The following KDM4C variants were observed in gnomAD, a reference collection of about 807,000 sequenced individuals.
KDM4C encodes the protein lysine-specific demethylase 4C.
A neutral mutation model predicts 129.3 loss-of-function variants in KDM4C; 81 were observed. The observed-to-expected ratio is 0.63, with a 90% CI of 0.52 to 0.75. The LOEUF (loss-of-function observed/expected upper bound fraction) is 0.75. Ranked by LOEUF, KDM4C falls within the 30% of genes least tolerant of loss-of-function variation. KDM4C has a pLI of 0.00. For synonymous variants in KDM4C, 573 were observed against 456.1 expected (o/e 1.26, Z -3.26); for missense variants, 1,457 against 1,304.0 (o/e 1.12, Z -1.81).
At chr9:7,152,256 T>C (rs1842794031) in intron 19 of KDM4C, among the ~76,000 whole-genome samples, 7 of 152,226 alleles carry the variant, frequency 4.6e-5, no homozygotes, top group Admixed American at 4.6e-4. Flanking sequence ...AATAGCATTA[T>C]GTATGATAGG....
chr9:6,957,326 C>G (rs769859001), intron 8 of KDM4C, among the ~76,000 whole-genome samples: 18 of 152,120 alleles, frequency 1.2e-4, no homozygotes, highest in Non-Finnish European at 2.6e-4. Flanking sequence ...ACCCTACCAT[C>G]TATTTTCTTT....
chr9:6,886,781 C>T (rs767622813), intron 6 of KDM4C, among the ~76,000 whole-genome samples: 36 of 152,112 alleles, frequency 2.4e-4, no homozygotes, highest in African/African-American at 7.0e-4. Flanking sequence ...CGTGAACCAC[C>T]GCACTTGGCC....
chr9:6,992,556 AG>A (rs1247532695), intron 12 of KDM4C, among the ~76,000 whole-genome samples: 3 of 152,336 alleles, frequency 2.0e-5, no homozygotes, highest in Non-Finnish European at 2.9e-5. Context: ...CTGGCAACAG[AG>A]AATATTCTGT....
intron 12 of KDM4C, among the ~76,000 whole-genome samples, chr9:6,998,206 G>C (rs572340850): frequency 2.3e-4 from 35 of 152,304 alleles, no homozygotes; most frequent in African/African-American, 6.0e-4. Flanking sequence ...TAGATTAAGA[G>C]TGTATTTCAG....
intron 12 of KDM4C, among the ~76,000 whole-genome samples, chr9:6,995,173 G>A (rs375455119): frequency 1.2e-4 from 18 of 151,212 alleles, no homozygotes; most frequent in African/African-American, 3.9e-4. Flanking sequence ...TGAGAAAGGA[G>A]TGTTGTGTGA....
chr9:7,105,283 G>C (rs1837549912), intron 18 of KDM4C: 1 of 344,666 alleles, frequency 2.9e-6, no homozygotes, highest in South Asian at 2.3e-5. Context: ...AGAGTAGTTG[G>C]TGTTCACACT....
chr9:6,854,101 G>A (rs1484817560), intron 5 of KDM4C, among the ~76,000 whole-genome samples: 1 of 151,946 alleles, frequency 6.6e-6, no homozygotes, highest in Non-Finnish European at 1.5e-5. Flanking sequence ...TAATAGAATA[G>A]GAGTTTCAGT....
intron 15 of KDM4C, among the ~76,000 whole-genome samples, chr9:7,024,426 G>A (rs1332403518): frequency 2.7e-5 from 4 of 150,866 alleles, no homozygotes; most frequent in Admixed American, 2.7e-4. Context: ...TTGGTGTGCT[G>A]CACCCATTAA....
chr9:6,844,553 T>C (rs1837518713), intron 4 of KDM4C, among the ~76,000 whole-genome samples: 1 of 152,258 alleles, frequency 6.6e-6, no homozygotes, highest in Non-Finnish European at 1.5e-5. Context: ...AAATGATTTT[T>C]GGGAAATGCA....
At chr9:7,167,445 G>T (rs1384770155) in intron 20 of KDM4C, among the ~76,000 whole-genome samples, 6 of 152,178 alleles carry the variant, frequency 3.9e-5, no homozygotes, top group Non-Finnish European at 7.4e-5. Context: ...ATGAAAGTAG[G>T]CACAGGTGGT....
At chr9:7,100,686 G>C (rs191098664) in intron 17 of KDM4C, among the ~76,000 whole-genome samples, 1 of 152,240 alleles carries the variant, frequency 6.6e-6, no homozygotes, top group Admixed American at 6.5e-5. Context: ...GAGTGGCACT[G>C]TTTTTAAAAT....
At chr9:7,143,174 C>T (rs980876412) in intron 19 of KDM4C, among the ~76,000 whole-genome samples, 23 of 152,194 alleles carry the variant, frequency 1.5e-4, no homozygotes, top group Admixed American at 8.5e-4. Flanking sequence ...CCTGGGAGCC[C>T]CAACACTTTG....
At chr9:7,075,383 G>A (rs1442325416) in intron 17 of KDM4C, among the ~76,000 whole-genome samples, 1 of 152,100 alleles carries the variant, frequency 6.6e-6, no homozygotes, top group Non-Finnish European at 1.5e-5. Context: ...AGTGTTGGGG[G>A]GTGCGACCTA....
chr9:6,845,303 C>G (rs962974788), intron 4 of KDM4C, among the ~76,000 whole-genome samples: 1 of 152,152 alleles, frequency 6.6e-6, no homozygotes, highest in Admixed American at 6.5e-5. Context: ...TAGCCTTGAC[C>G]TTCTGGGCTC....
intron 4 of KDM4C, among the ~76,000 whole-genome samples, chr9:6,829,864 CA>C (rs1834520373): frequency 6.6e-6 from 1 of 151,986 alleles, no homozygotes; most frequent in South Asian, 2.1e-4. Context: ...TTCCATTTCA[CA>C]AAAAGGAATA....
chr9:6,858,285 G>A (rs1352756217), intron 5 of KDM4C, among the ~76,000 whole-genome samples: 4 of 151,876 alleles, frequency 2.6e-5, no homozygotes, highest in East Asian at 1.9e-4. Context: ...CTCAGTAAGG[G>A]CGTGTAAATT....
At chr9:7,061,621 G>A (rs1831681941) in intron 17 of KDM4C, among the ~76,000 whole-genome samples, 1 of 152,198 alleles carries the variant, frequency 6.6e-6, no homozygotes, top group Non-Finnish European at 1.5e-5. Flanking sequence ...GCCTGGCTGT[G>A]GGCTCCTCAG....
chr9:6,907,163 A>G (rs1453495981), intron 8 of KDM4C, among the ~76,000 whole-genome samples: 2 of 152,230 alleles, frequency 1.3e-5, no homozygotes, highest in Non-Finnish European at 2.9e-5. Context: ...ATGATCTTCA[A>G]AATATATTGT....
intron 8 of KDM4C, among the ~76,000 whole-genome samples, chr9:6,953,983 C>G (rs562554679): frequency 9.9e-5 from 15 of 152,184 alleles, no homozygotes; most frequent in Admixed American, 2.0e-4. Context: ...TTCAGCCTCT[C>G]TGAGGTTTCA....
Sources: allele counts gnomAD v4.1 joint callset (sites outside exome capture counted in the v4.1 genomes callset), GRCh38; gene constraint gnomAD v4.1.1; transcripts MANE v1.5; gene names NCBI Gene and HGNC (gene_info 2026-07-23, HGNC 2026-07-21).